The following PARN variants were observed in gnomAD, a reference collection of about 807,000 sequenced individuals.
The protein encoded by PARN is poly(A)-specific ribonuclease, also known as poly(A)-specific ribonuclease PARN.
Under a neutral mutation model 102.8 loss-of-function variants are expected in PARN, and 71 were observed. The observed-to-expected ratio is 0.69, with a 90% CI of 0.57 to 0.84. PARN has a LOEUF of 0.84. Among genes scored for constraint, PARN ranks in the 40% least tolerant of loss-of-function variants. The pLI is 0.00. For synonymous variants in PARN, 261 were observed against 252.9 expected (o/e 1.03, Z -0.30); for missense variants, 782 against 760.9 (o/e 1.03, Z -0.33).
At chr16:14,511,376 T>C (rs1965181324) in intron 21 of PARN, among the ~76,000 whole-genome samples, 1 of 151,860 alleles carries the variant, frequency 6.6e-6, no homozygotes, top group Non-Finnish European at 1.5e-5. Context: ...GGAAAGAGCG[T>C]CTAGACAGAT....
intron 21 of PARN, among the ~76,000 whole-genome samples, chr16:14,527,916 C>T (rs1966093856): frequency 6.6e-6 from 1 of 152,234 alleles, no homozygotes; most frequent in Non-Finnish European, 1.5e-5. Flanking sequence ...AGGCAGAGTG[C>T]AGTCTCCTTC....
chr16:14,437,512 CCTT>C (rs1298328178), intron 23 of PARN, among the ~76,000 whole-genome samples: 1 of 152,158 alleles, frequency 6.6e-6, no homozygotes, highest in African/African-American at 2.4e-5. Flanking sequence ...TGTCAGAAGC[CCTT>C]CTTTTTTATT....
In PARN at chr16:14,456,359, G is replaced by T. The variant is rs571583481; in HGVS notation, c.1671-9278C>A. ...TAATTTTTAATTTTTTTGTAAGGAT[G>T]GGGGTGTCTTGCTATGTTGCCTCAG... On this transcript the variant is annotated intron_variant, in intron 22 of 23. Transcript: ENST00000437198. Among the ~76,000 whole-genome samples, 6 of 151,906 alleles carry T rather than the reference G, an allele frequency of 3.9e-5. No homozygotes were observed. The South Asian group carries it at 1.2e-3, about 32-fold the overall frequency.
chr16:14,512,361 G>C (rs1567335911), intron 21 of PARN, among the ~76,000 whole-genome samples: 2 of 152,096 alleles, frequency 1.3e-5, no homozygotes, highest in Non-Finnish European at 2.9e-5. Context: ...AAATTAGCTG[G>C]GTGTGGTGGT....
chr16:14,516,404 C>A (rs766804012), intron 21 of PARN, among the ~76,000 whole-genome samples: 11 of 151,842 alleles, frequency 7.2e-5, no homozygotes, highest in Non-Finnish European at 1.6e-4. Context: ...CATACATCTG[C>A]GAAAACGGAT....
chr16:14,600,021 A>C lies in PARN; in HGVS notation c.784-61T>G. 6 of 932,600 alleles carry C rather than the reference A, an allele frequency of 6.4e-6. No individual in the cohort carries two copies. The South Asian group carries it at 1.1e-4, about 17-fold the overall frequency. 57.8% of individuals were successfully genotyped at this position (932,600 alleles called of 1,614,324 possible). The stretch of plus-strand genomic sequence containing the variant: ...GTATAAATATTCCTTATGTGAATTA[A>C]AAAACTACCCCAAAAAAAAGACACT... On this transcript the variant is annotated intron_variant, in intron 11 of 23. Coordinates refer to ENST00000437198, the MANE Select transcript of PARN (RefSeq NM_002582.4).
intron 5 of PARN, among the ~76,000 whole-genome samples, chr16:14,626,147 G>T (rs1972644383): frequency 6.6e-6 from 1 of 152,022 alleles, no homozygotes; most frequent in Non-Finnish European, 1.5e-5. Flanking sequence ...GTGAGCTTGA[G>T]AAAAGGAAGT....
At chr16:14,581,795 C>G (rs1008685627) in intron 17 of PARN, among the ~76,000 whole-genome samples, 1 of 152,162 alleles carries the variant, frequency 6.6e-6, no homozygotes, top group Non-Finnish European at 1.5e-5. Flanking sequence ...GTGATGCACA[C>G]CAGTAGTCCC....
At chr16:14,579,154 G>C (rs1391174391) in intron 18 of PARN, among the ~76,000 whole-genome samples, 2 of 152,092 alleles carry the variant, frequency 1.3e-5, no homozygotes, top group Non-Finnish European at 2.9e-5. Flanking sequence ...TTTTAGTACA[G>C]ACCGGTTTTC....
intron 21 of PARN, among the ~76,000 whole-genome samples, chr16:14,505,134 T>C (rs975923769): frequency 6.6e-6 from 1 of 152,244 alleles, no homozygotes; most frequent in Non-Finnish European, 1.5e-5. Flanking sequence ...ATACAATATT[T>C]GGCACACAGC....
intron 22 of PARN, among the ~76,000 whole-genome samples, chr16:14,477,506 G>A (rs1487678180): frequency 1.3e-5 from 2 of 151,154 alleles, no homozygotes; most frequent in South Asian, 2.1e-4. Context: ...GGCTGGGCGC[G>A]ATGGCTCACA....
intron 7 of PARN, 145 bp from the exon 8 acceptor site, chr16:14,609,268 A>C: frequency 1.7e-6 from 1 of 582,216 alleles, no homozygotes; most frequent in Non-Finnish European, 3.0e-6. Context: ...ATTTTAGTTC[A>C]AAGACTTTTT....
At chr16:14,501,914 A>G (rs560815063) in intron 21 of PARN, among the ~76,000 whole-genome samples, 8 of 152,238 alleles carry the variant, frequency 5.3e-5, no homozygotes, top group South Asian at 2.1e-4. Flanking sequence ...CCGTTTCTGG[A>G]AAGAGCACAG....
intron 18 of PARN, among the ~76,000 whole-genome samples, chr16:14,575,564 T>C (rs145230263): frequency 1.4e-3 from 208 of 152,330 alleles, no homozygotes; most frequent in African/African-American, 4.7e-3. Flanking sequence ...AATGGCTGTA[T>C]TTATCCATAG....
chr16:14,574,870 A>C (rs1317016825), intron 18 of PARN, among the ~76,000 whole-genome samples: 1 of 152,170 alleles, frequency 6.6e-6, no homozygotes, highest in Admixed American at 6.5e-5. Flanking sequence ...CCAGAAGTTT[A>C]GGAGGAAAAA....
At chr16:14,572,728 G>A (rs549042474) in intron 18 of PARN, among the ~76,000 whole-genome samples, 1 of 152,274 alleles carries the variant, frequency 6.6e-6, no homozygotes, top group East Asian at 1.9e-4. Context: ...TAATGGGTAG[G>A]TACTAGCAGA....
chr16:14,563,506 G>A (rs1968215563), intron 18 of PARN, among the ~76,000 whole-genome samples: 1 of 150,110 alleles, frequency 6.7e-6, no homozygotes, highest in Non-Finnish European at 1.5e-5. Flanking sequence ...GTGTGTGTGT[G>A]TGTGTGTGTG....
At chr16:14,526,147 A>T (rs1359971598) in intron 21 of PARN, among the ~76,000 whole-genome samples, 2 of 149,456 alleles carry the variant, frequency 1.3e-5, no homozygotes, top group Non-Finnish European at 3.0e-5. Context: ...TTTCCCAAGA[A>T]CTTGCCAAAA....
At chr16:14,618,786 C>G (rs1405885952) in intron 5 of PARN, among the ~76,000 whole-genome samples, 1 of 152,148 alleles carries the variant, frequency 6.6e-6, no homozygotes, top group African/African-American at 2.4e-5. Flanking sequence ...TATTTTATTA[C>G]CCTGTCCCAG....
Sources: gnomAD v4.1 joint callset for allele counts (sites outside exome capture counted in the v4.1 genomes callset) on GRCh38, gnomAD v4.1.1 for gene constraint, MANE v1.5 for transcripts, NCBI Gene and HGNC (gene_info 2026-07-23, HGNC 2026-07-21) for gene names.